MATN2: variants seen among roughly 807,000 people sequenced by gnomAD.
MATN2 encodes matrilin-2.
In MATN2, 69 loss-of-function variants were observed where a neutral mutation model predicts 103.2. The ratio of observed to expected loss-of-function variants is 0.67; its 90% CI spans 0.55 to 0.82. MATN2 has a LOEUF of 0.82. Ranked by LOEUF, MATN2 falls within the 40% of genes least tolerant of loss-of-function variation. MATN2 has a pLI of 0.00. For missense variants in MATN2, 1,023 were observed against 1,211.5 expected, an observed-to-expected ratio of 0.84 and a Z score of 2.31; for synonymous variants, 429 against 450.2, an observed-to-expected ratio of 0.95 and a Z score of 0.60.
rs566024301 is a variant in MATN2 at position 97,912,996 on chromosome 8, C to T, written c.143-17957C>T. Among the ~76,000 whole-genome samples, 93 of 152,286 alleles carry T rather than the reference C, an allele frequency of 6.1e-4. No homozygotes were observed. The South Asian group carries it at 0.018, about 30-fold the overall frequency. On this transcript the variant is annotated intron_variant, in intron 2 of 18. Transcript: ENST00000254898. ...GCCCAGGGACCACCACGCAAGAGCA[C>T]CTCACTGGGATCAGGATGGTGCTGC...
rs1812932708 is a variant in MATN2 at position 98,005,342 on chromosome 8, G to A, written c.1327+1559G>A. Among the ~76,000 whole-genome samples, 1 of 152,184 alleles carries A rather than the reference G, an allele frequency of 6.6e-6. No individual in the cohort carries two copies. The highest frequency in any genetic ancestry group is 2.4e-5 in the African/African-American group (1 of 41,432). On this transcript the variant is annotated intron_variant, in intron 8 of 18. Transcript: ENST00000254898. The surrounding 1 kb of genome is among the most constrained non-coding windows in gnomAD (Gnocchi z 4.6). The stretch of plus-strand genomic sequence containing the variant: ...GGGGAGCGGGTCTCCCATTCAACAG[G>A]AGATGCCCTGGTGACCATGGATCTG...
rs113536094 is a variant in MATN2 at position 98,007,024 on chromosome 8, C to T, written c.1328-81C>T. 0.013 allele frequency: 18,606 copies of T among 1,478,270 alleles called. 136 individuals are homozygous for T. The highest frequency in any genetic ancestry group is 0.014 in the Non-Finnish European group (15,003 of 1,085,800). 91.6% of individuals were successfully genotyped at this position (1,478,270 alleles called of 1,614,324 possible). On this transcript the variant is annotated intron_variant, in intron 8 of 18. Transcript: ENST00000254898. This position sits in a 1 kb window ranked among gnomAD's most constrained non-coding sequence, Gnocchi z 4.2. ...CCTTCCCTGTGGCTTGTTATGCCTC[C>T]GGTTTTGTTTTTGAATCTTGGTTGC...
chr8:97,929,547 C>A (rs1586055813), intron 2 of MATN2, among the ~76,000 whole-genome samples: 1 of 152,184 alleles, frequency 6.6e-6, no homozygotes, highest in Non-Finnish European at 1.5e-5. Flanking sequence ...ATATCACCCT[C>A]GTACTAGAAA....
intron 1 of MATN2, among the ~76,000 whole-genome samples, chr8:97,872,315 C>T (rs961597166): frequency 1.3e-5 from 2 of 152,192 alleles, no homozygotes; most frequent in African/African-American, 4.8e-5. Flanking sequence ...GATCAGCTAA[C>T]ATTTTTGGAA....
chr8:97,981,002 C>T lies in MATN2; in HGVS notation c.1081+1994C>T, dbSNP rs535363114. 2.0e-5 allele frequency among the ~76,000 whole-genome samples: 3 copies of T among 151,656 alleles called. No individual in the cohort carries two copies. The South Asian group carries it at 6.3e-4, about 32-fold the overall frequency. On this transcript the variant is annotated intron_variant, in intron 6 of 18. Coordinates refer to ENST00000254898, the MANE Select transcript of MATN2 (RefSeq NM_002380.5). ...ACCAGCCCTGGTAATATGGAGGGAC[C>T]CTATTTCTACAAAAACTGTTTTTTT... is the stretch of plus-strand genomic sequence containing the variant.
chr8:98,007,529 A>G lies in MATN2; in HGVS notation c.1501A>G (p.Asn501Asp). 6.2e-7 allele frequency: 1 copy of G among 1,613,700 alleles called. No individual in the cohort carries two copies. The highest frequency in any genetic ancestry group is 8.5e-7 in the Non-Finnish European group (1 of 1,179,618). ...SDHGCEYSCVNMDRSFACQCP... is the reference protein window; with the variant it reads ...SDHGCEYSCVDMDRSFACQCP... ...CCATGGTTGTGAATACTCCTGTGTCAACATGGACAGATCCTTTGCCTGTCA... is the reference window on the plus strand; with the variant it reads ...CCATGGTTGTGAATACTCCTGTGTCGACATGGACAGATCCTTTGCCTGTCA... The change falls in exon 10 of 19, where the codon AAC (asparagine) becomes GAC (aspartate). Residue 501 changes from asparagine to aspartate, a missense_variant. Coordinates refer to ENST00000254898, the MANE Select transcript of MATN2 (RefSeq NM_002380.5). The surrounding 1 kb of genome is among the most constrained non-coding windows in gnomAD (Gnocchi z 4.2).
At chr8:97,983,529 G>A (rs1812094344) in intron 6 of MATN2, among the ~76,000 whole-genome samples, 1 of 152,208 alleles carries the variant, frequency 6.6e-6, no homozygotes, top group Non-Finnish European at 1.5e-5. Flanking sequence ...ACTTCAGTCT[G>A]CTGGACAGGG....
chr8:97,974,904 T>A (rs1811782716), intron 5 of MATN2, among the ~76,000 whole-genome samples: 1 of 152,188 alleles, frequency 6.6e-6, no homozygotes, highest in Admixed American at 6.5e-5. Flanking sequence ...TATTCCTGGG[T>A]CCCACTCCCA....
intron 2 of MATN2, among the ~76,000 whole-genome samples, chr8:97,928,477 C>T (rs964258793): frequency 7.9e-5 from 12 of 152,178 alleles, no homozygotes; most frequent in Non-Finnish European, 1.2e-4. Context: ...CCTCCCGCCT[C>T]GGCCTCCCAA....
chr8:97,920,653 C>T (rs13256241), intron 2 of MATN2, among the ~76,000 whole-genome samples: 51,767 of 151,986 alleles, frequency 0.34, 9,644 homozygotes, highest in East Asian at 0.69. Context: ...TCTGGGAAAG[C>T]CATTGATGAG....
At chr8:98,006,746 C>T (rs1812983195) in intron 8 of MATN2, among the ~76,000 whole-genome samples, 1 of 152,164 alleles carries the variant, frequency 6.6e-6, no homozygotes, top group Non-Finnish European at 1.5e-5. Flanking sequence ...GACAGCATTC[C>T]CCAGCCATTG....
chr8:97,924,691 G>GGCAA (rs1362019993), intron 2 of MATN2, among the ~76,000 whole-genome samples: 2 of 82,246 alleles, frequency 2.4e-5, no homozygotes, highest in Non-Finnish European at 5.5e-5. Context: ...TATCCAGGCA[G>GGCAA]GCAAGCATCT....
chr8:97,905,398 C>T (rs1228968467), intron 2 of MATN2, among the ~76,000 whole-genome samples: 2 of 151,994 alleles, frequency 1.3e-5, no homozygotes, highest in Non-Finnish European at 2.9e-5. Flanking sequence ...TCTTCCCTTC[C>T]CCACCCCCCA....
At chr8:98,004,210 C>T (rs1812885253) in intron 8 of MATN2, 1 of 184,468 alleles carries the variant, frequency 5.4e-6, no homozygotes, top group Non-Finnish European at 1.2e-5. Flanking sequence ...ATTACTCGAA[C>T]CTAGGAGGCA....
At chr8:97,988,316 TACTA>T (rs1250481198) in intron 6 of MATN2, among the ~76,000 whole-genome samples, 1 of 150,712 alleles carries the variant, frequency 6.6e-6, no homozygotes, top group Non-Finnish European at 1.5e-5. Flanking sequence ...AGACACAAAC[TACTA>T]AAGTTTACCC....
chr8:97,997,288 C>T (rs1383117701), intron 7 of MATN2, among the ~76,000 whole-genome samples: 1 of 152,190 alleles, frequency 6.6e-6, no homozygotes, highest in Non-Finnish European at 1.5e-5. Flanking sequence ...TTGGCAATGT[C>T]ACTCATATTG....
At chr8:97,876,477 C>A (rs11774129) in intron 1 of MATN2, among the ~76,000 whole-genome samples, 1 of 152,060 alleles carries the variant, frequency 6.6e-6, no homozygotes, top group Non-Finnish European at 1.5e-5. Flanking sequence ...GCATGAGCCA[C>A]CGCGCCTGGA....
intron 13 of MATN2, chr8:98,025,348 A>G (rs991013864): frequency 7.3e-5 from 12 of 165,066 alleles, no homozygotes; most frequent in Middle Eastern, 5.6e-3. Flanking sequence ...ATGGTTTTGC[A>G]TGTGTGTGTC....
At chr8:97,903,786 A>G (rs181035944) in intron 2 of MATN2, among the ~76,000 whole-genome samples, 155 of 152,316 alleles carry the variant, frequency 1.0e-3, no homozygotes, top group African/African-American at 3.5e-3. Flanking sequence ...GTTGACTAGG[A>G]GGCTCCAAAG....
Sources: gnomAD v4.1 joint callset for allele counts (sites outside exome capture counted in the v4.1 genomes callset) on GRCh38, gnomAD v4.1.1 for gene constraint, Gnocchi (gnomAD v3.1) non-coding constraint, MANE v1.5 for transcripts, NCBI Gene and HGNC (gene_info 2026-07-23, HGNC 2026-07-21) for gene names.